The following RAB40B variants were observed in gnomAD, a reference collection of about 807,000 sequenced individuals.
The protein encoded by RAB40B is RAB40B, member RAS oncogene family, also known as ras-related protein Rab-40B.
A neutral mutation model predicts 24.0 loss-of-function variants in RAB40B; 21 were observed. The observed-to-expected ratio is 0.88, with a 90% CI of 0.62 to 1.26. RAB40B has a LOEUF of 1.26. Among genes scored for constraint, RAB40B ranks in the 50% most tolerant of loss-of-function variants. The probability of loss-of-function intolerance (pLI) is 0.00; values close to 1 mark genes in which losing one functional copy is unlikely to be tolerated. For missense variants in RAB40B, 348 were observed against 390.5 expected (o/e 0.89, Z 0.92); for synonymous variants, 167 against 169.8 (o/e 0.98, Z 0.13).
intron 1 of RAB40B, among the ~76,000 whole-genome samples, chr17:82,668,711 C>A (rs1211471225): frequency 6.6e-6 from 1 of 152,250 alleles, no homozygotes; most frequent in Non-Finnish European, 1.5e-5. Flanking sequence ...ACTTCTAAGC[C>A]TGCAGGGGGC....
In RAB40B at chr17:82,659,889, A is replaced by G. The variant is rs901521287; in HGVS notation, c.265-232T>C. ...GATCTGGGGACTAGAACTCACACCCACGAGCCACTCCAGGAACACAGGATG... is the reference window on the plus strand; with the variant it reads ...GATCTGGGGACTAGAACTCACACCCGCGAGCCACTCCAGGAACACAGGATG... On this transcript the variant is annotated intron_variant, in intron 3 of 5. Coordinates refer to ENST00000571995, the MANE Select transcript of RAB40B (RefSeq NM_006822.3). 8 of 515,532 alleles carry G rather than the reference A, an allele frequency of 1.6e-5. No individual in the cohort carries two copies. The East Asian group carries it at 2.8e-4, about 18-fold the overall frequency. 31.9% of individuals were successfully genotyped at this position (515,532 alleles called of 1,614,324 possible). A position where few individuals can be genotyped will look rare whatever the true frequency, so the allele number is the denominator to read the frequency against.
rs1424138432 is a variant in RAB40B, at chr17:82,664,500, G to T, written c.199C>A (p.Leu67Ile). ...TCGCACCTCCTCCAGACTCACCAGA[G>T]CTGCAGCTTCACCCGCCGCCCGTCC... Reference protein sequence around the residue: ...LLDGRRVKLQLWDTSGQGRFC... With the variant: ...LLDGRRVKLQIWDTSGQGRFC... Residue 67 changes from leucine (L) to isoleucine (I), a missense_variant, in exon 2 of 6, where the codon CTC (leucine) becomes ATC (isoleucine). By Grantham distance (5) the Leu-to-Ile change is conservative. Transcript: ENST00000571995. 6.2e-7 allele frequency: 1 copy of T among 1,613,140 alleles called. No individual in the cohort carries two copies. The highest frequency in any genetic ancestry group is 1.3e-5 in the African/African-American group (1 of 74,870).
At position 82,658,013 on chromosome 17, in the gene RAB40B, G is replaced by C; in HGVS notation, c.687C>G (p.Asn229Lys). 6.2e-7 allele frequency: 1 copy of C among 1,614,224 alleles called. No homozygotes were observed. The highest frequency in any genetic ancestry group is 2.2e-5 in the East Asian group (1 of 44,880). The change falls in exon 6 of 6, where the codon AAC (asparagine) becomes AAG (lysine). Residue 229 changes from asparagine (N) to lysine (K), a missense_variant. Physicochemically the swap from Asn to Lys is moderately conservative, Grantham distance 94. This residue lies in a region of RAB40B where 121 missense variants were observed against 124.0 expected (regional missense o/e 0.98). Coordinates refer to ENST00000571995, the MANE Select transcript of RAB40B (RefSeq NM_006822.3). ...RSHLKSFSMA[N>K]GLNARMMHGG... is the part of the protein sequence containing the mutation. ...CGTGCATCATCCTGGCATTCAGGCCGTTGGCCATCGAGAAGGACTTGAGGT... is the reference window on the plus strand; with the variant it reads ...CGTGCATCATCCTGGCATTCAGGCCCTTGGCCATCGAGAAGGACTTGAGGT...
intron 1 of RAB40B, among the ~76,000 whole-genome samples, chr17:82,676,689 G>A (rs192526276): frequency 1.3e-5 from 2 of 151,972 alleles, no homozygotes; most frequent in East Asian, 1.9e-4. Context: ...ATGCAATGGC[G>A]TGATCTCAAC....
intron 1 of RAB40B, among the ~76,000 whole-genome samples, chr17:82,684,816 T>A (rs2046480820): frequency 6.6e-6 from 1 of 151,980 alleles, no homozygotes; most frequent in Non-Finnish European, 1.5e-5. Flanking sequence ...ACTGTCTTTG[T>A]CAAAACTCAA....
intron 2 of RAB40B, 46 bp from the exon 3 acceptor site, chr17:82,661,093 C>G: frequency 1.2e-6 from 2 of 1,605,554 alleles, no homozygotes; most frequent in Non-Finnish European, 1.7e-6. Flanking sequence ...AGTGCTTCTT[C>G]CTGACAACAG....
Position 82,679,568 on chromosome 17 carries a change from C to T in RAB40B, c.143-15012G>A, listed in dbSNP as rs3859203. Among the ~76,000 whole-genome samples the T allele has an allele frequency of 8.9e-3, 1,357 of 152,310 alleles. 26 individuals carry two copies. Among genetic ancestry groups the T allele is most frequent in the African/African-American group, 0.031 (1,286 of 41,562 alleles). ...CTGGGATCACAGGTGGGAGCCACTG[C>T]GCCCGGCCGCCACAAGCCTTATTTA... On this transcript the variant is annotated intron_variant, in intron 1 of 5. Coordinates refer to ENST00000571995, the MANE Select transcript of RAB40B (RefSeq NM_006822.3).
rs566138092 is a variant in RAB40B, at chr17:82,676,906, G to A, written c.143-12350C>T. Among the ~76,000 whole-genome samples the A allele has an allele frequency of 2.8e-3, 431 of 151,836 alleles. 5 individuals carry two copies. The highest frequency in any genetic ancestry group is 0.018 in the South Asian group (87 of 4,784). On this transcript the variant is annotated intron_variant, in intron 1 of 5. Transcript: ENST00000571995. ...CTCCCAAAGTGCTGGGATTATAGGCGTGAGCTACCGCGCCCGGCCGGTAGC... is the reference window on the plus strand; with the variant it reads ...CTCCCAAAGTGCTGGGATTATAGGCATGAGCTACCGCGCCCGGCCGGTAGC...
In RAB40B at chr17:82,697,942, C is replaced by G. The variant is rs528983456; in HGVS notation, c.142+513G>C. On this transcript the variant is annotated intron_variant, in intron 1 of 5. Coordinates refer to ENST00000571995, the MANE Select transcript of RAB40B (RefSeq NM_006822.3). This position sits in a 1 kb window ranked among gnomAD's most constrained non-coding sequence, Gnocchi z 4.9. ...ACCGGACCCTGGTCTCCCCTCCCCT[C>G]CGACCCACGCGCAGACCCAGCACCT... is the stretch of plus-strand genomic sequence containing the variant. 1.3e-5 allele frequency among the ~76,000 whole-genome samples: 2 copies of G among 152,250 alleles called. No individual in the cohort carries two copies. Among genetic ancestry groups the G allele is most frequent in the South Asian group, 4.1e-4 (2 of 4,824 alleles).
At chr17:82,687,147 C>T (rs1352234185) in intron 1 of RAB40B, among the ~76,000 whole-genome samples, 3 of 152,066 alleles carry the variant, frequency 2.0e-5, no homozygotes, top group East Asian at 1.9e-4. Context: ...CAAACCAACA[C>T]GACGCAATTT....
chr17:82,696,113 G>T (rs940951787), intron 1 of RAB40B, among the ~76,000 whole-genome samples: 1 of 152,036 alleles, frequency 6.6e-6, no homozygotes, highest in African/African-American at 2.4e-5. Flanking sequence ...CAGGTGATCC[G>T]CCCGCCTTGG....
chr17:82,662,685 G>T, intron 2 of RAB40B: 1 of 985,330 alleles, frequency 1.0e-6, no homozygotes, highest in Non-Finnish European at 1.2e-6. Flanking sequence ...GCAGCCTCAG[G>T]GTCCTGCTGG....
intron 1 of RAB40B, among the ~76,000 whole-genome samples, chr17:82,674,024 A>G (rs2046367151): frequency 6.6e-6 from 1 of 152,202 alleles, no homozygotes; most frequent in Admixed American, 6.5e-5. Flanking sequence ...TTTTGTGACT[A>G]TCAACACTGG....
chr17:82,661,366 A>G (rs4789818), intron 2 of RAB40B: 1 of 895,236 alleles, frequency 1.1e-6, no homozygotes, highest in East Asian at 7.1e-5. Flanking sequence ...AGATAAATCT[A>G]TGCAGTAAGG....
At chr17:82,694,103 G>A (rs948537113) in intron 1 of RAB40B, among the ~76,000 whole-genome samples, 2 of 147,874 alleles carry the variant, frequency 1.4e-5, no homozygotes, top group South Asian at 4.3e-4. Context: ...AAAAAAAAAA[G>A]GAAAACTCCA....
Position 82,659,620 on chromosome 17 carries a change from G to A in RAB40B, c.302C>T (p.Ser101Phe). The change falls in exon 4 of 6, where the codon TCT (serine) becomes TTT (phenylalanine). Residue 101 changes from serine to phenylalanine, a missense_variant. Around this residue, in one of 3 missense-constraint regions of RAB40B, gnomAD observed 126 missense variants for 181.0 expected, o/e 0.70. Coordinates refer to ENST00000571995, the MANE Select transcript of RAB40B (RefSeq NM_006822.3). ...AATCCATCGATCAATGCCGTCAAAA[G>A]ACCAGCGGTTCGCAATGTCATAGAC... Reference protein sequence around the residue: ...ILVYDIANRWSFDGIDRWIKE... With the variant: ...ILVYDIANRWFFDGIDRWIKE... 6.2e-7 allele frequency: 1 copy of A among 1,614,174 alleles called. No homozygotes were observed.
chr17:82,698,624 C>A lies in RAB40B; in HGVS notation c.-28G>T. 7.1e-7 allele frequency: 1 copy of A among 1,402,972 alleles called. No homozygotes were observed. Among genetic ancestry groups the A allele is most frequent in the Non-Finnish European group, 9.4e-7 (1 of 1,060,564 alleles). The allele number at this position is 1,402,972 out of a possible 1,614,324, so 86.9% of individuals were successfully genotyped here. On this transcript the variant is annotated 5_prime_UTR_variant, in exon 1 of 6. Transcript: ENST00000571995. ...TGACGGCCCGGCGCCCCCACCCATG[C>A]CCGGCCTGCGGGGCTGAGCGCAGAG...
At chr17:82,686,721 A>C (rs1028228271) in intron 1 of RAB40B, among the ~76,000 whole-genome samples, 2 of 152,232 alleles carry the variant, frequency 1.3e-5, no homozygotes, top group Non-Finnish European at 2.9e-5. Flanking sequence ...CTGTGAGAGA[A>C]TAAATCTCTG....
chr17:82,658,040 GCTT>G lies in RAB40B; in HGVS notation c.657_659del (p.Arg219del), dbSNP rs1259042781. On this transcript the variant is annotated inframe_deletion, in exon 6 of 6. Transcript: ENST00000571995. Reference sequence around the variant, plus strand: ...TGGCCATCGAGAAGGACTTGAGGTGGCTTCTTAAGGCAATGGGGAGCGGGAGCT... The same window carrying G: ...TGGCCATCGAGAAGGACTTGAGGTGGCTTAAGGCAATGGGGAGCGGGAGCT... 2 of 1,614,218 alleles carry G rather than the reference GCTT, an allele frequency of 1.2e-6. No individual in the cohort carries two copies.
Sources: allele counts gnomAD v4.1 joint callset (sites outside exome capture counted in the v4.1 genomes callset), GRCh38; gene constraint gnomAD v4.1.1; regional missense constraint gnomAD v4.1.1; non-coding constraint Gnocchi (gnomAD v3.1); transcripts MANE v1.5; gene names NCBI Gene and HGNC (gene_info 2026-07-23, HGNC 2026-07-21).